The following NUP205 variants were observed in gnomAD, a reference collection of about 807,000 sequenced individuals.
NUP205 encodes nuclear pore complex protein Nup205.
In NUP205, 76 loss-of-function variants were observed where a neutral mutation model predicts 253.8. The observed-to-expected ratio is 0.30, with a 90% CI of 0.25 to 0.36. The LOEUF (loss-of-function observed/expected upper bound fraction) is 0.36, where lower values mean the gene tolerates loss of function less well. NUP205 is among the 10% of genes least tolerant of loss of function. NUP205 has a pLI of 1.00. For missense variants in NUP205, 2,162 were observed against 2,425.5 expected, an observed-to-expected ratio of 0.89 and a Z score of 2.28; for synonymous variants, 832 against 850.1, an observed-to-expected ratio of 0.98 and a Z score of 0.37.
intron 22 of NUP205, among the ~76,000 whole-genome samples, chr7:135,609,633 G>A (rs1794181446): frequency 6.6e-6 from 1 of 151,658 alleles, no homozygotes; most frequent in African/African-American, 2.4e-5. Flanking sequence ...GGGCAACAGA[G>A]CGAGACCCCA....
chr7:135,561,885 C>CTCCTTCCTTCCTTTGT (rs1256337928), intron 1 of NUP205, among the ~76,000 whole-genome samples: 1 of 151,436 alleles, frequency 6.6e-6, no homozygotes, highest in Non-Finnish European at 1.5e-5. Context: ...TGGACTCCAT[C>CTCCTTCCTTCCTTTGT]TCCTTCCTTC....
chr7:135,562,692 C>T (rs1233171500), intron 1 of NUP205, among the ~76,000 whole-genome samples: 3 of 151,820 alleles, frequency 2.0e-5, no homozygotes, highest in Non-Finnish European at 2.9e-5. Context: ...GGACTACAGG[C>T]GTGCGCCACC....
intron 26 of NUP205, 32 bp downstream of exon 26, chr7:135,617,279 T>C: frequency 6.3e-7 from 1 of 1,582,290 alleles, no homozygotes; most frequent in Non-Finnish European, 8.6e-7. Flanking sequence ...ATATCTGCAG[T>C]GTCAAGTGGC....
chr7:135,643,660 A>AT (rs143806514), intron 39 of NUP205, among the ~76,000 whole-genome samples: 2,380 of 150,746 alleles, frequency 0.016, 21 homozygotes, highest in Middle Eastern at 0.035. Flanking sequence ...TCTGTTACAG[A>AT]TTTTTTTTTT....
At chr7:135,587,071 A>G (rs1200282541) in intron 8 of NUP205, among the ~76,000 whole-genome samples, 18 of 150,670 alleles carry the variant, frequency 1.2e-4, no homozygotes. Context: ...TTTTTTTTTA[A>G]CAGAATTTGT....
chr7:135,593,265 T>C (rs1806680238), intron 12 of NUP205, 73 bp downstream of exon 12: 1 of 1,313,022 alleles, frequency 7.6e-7, no homozygotes, highest in South Asian at 1.3e-5. Context: ...CCAAACATTT[T>C]CTTTTAATTT....
intron 22 of NUP205, among the ~76,000 whole-genome samples, chr7:135,610,229 T>TA (rs1229599811): frequency 1.3e-5 from 2 of 152,230 alleles, no homozygotes; most frequent in Admixed American, 6.5e-5. Context: ...TTGTCGTTGT[T>TA]ACTGTTTTTT....
In NUP205 at chr7:135,635,629, A is replaced by T. The variant is rs752705968; in HGVS notation, c.5108A>T (p.Glu1703Val). ...GATGTAAATGAAGGGTCTCTAATGG[A>T]GCTACAGGGACATATTGGAAGATTC... ...DVDVNEGSLM[E>V]LQGHIGRFQR... is the part of the protein sequence containing the mutation. The change falls in exon 36 of 43, where the codon GAG becomes GTG. Residue 1703 changes from glutamate (E) to valine (V), a missense_variant. Around this residue, in one of 5 missense-constraint regions of NUP205, gnomAD observed 1,144 missense variants for 1,280.9 expected, o/e 0.89. Coordinates refer to ENST00000285968, the MANE Select transcript of NUP205 (RefSeq NM_015135.3). The T allele has an allele frequency of 1.9e-6, 3 of 1,592,184 alleles. No individual in the cohort carries two copies. The highest frequency in any genetic ancestry group is 2.6e-6 in the Non-Finnish European group (3 of 1,162,784).
intron 36 of NUP205, 24 bp from the exon 37 acceptor site, chr7:135,637,907 A>C (rs1002211528): frequency 6.3e-7 from 1 of 1,592,920 alleles, no homozygotes; most frequent in Non-Finnish European, 8.5e-7. Context: ...AAATACATTT[A>C]ACAAGATATC....
intron 33 of NUP205, 128 bp from the exon 34 acceptor site, chr7:135,627,845 A>C: frequency 2.5e-6 from 2 of 793,148 alleles, no homozygotes; most frequent in South Asian, 1.9e-5. Flanking sequence ...TATGGGATGC[A>C]GAGTACTCAC....
At position 135,645,405 on chromosome 7, in the gene NUP205, C is replaced by T. The variant is rs577752065; in HGVS notation, c.5684-63C>T. The stretch of plus-strand genomic sequence containing the variant: ...CAGTCTGTCCTTTTTTCTTCTCCTC[C>T]GAAACTGGTGTGTAAAACATATTTG... On this transcript the variant is annotated intron_variant, in intron 40 of 42. Transcript: ENST00000285968. 1.6e-5 allele frequency: 24 copies of T among 1,547,530 alleles called. No individual in the cohort carries two copies. In the East Asian group the frequency reaches 2.3e-4, roughly 15 times the overall value.
At chr7:135,585,697 G>A (rs1464908426) in intron 8 of NUP205, among the ~76,000 whole-genome samples, 3 of 151,866 alleles carry the variant, frequency 2.0e-5, no homozygotes, top group Non-Finnish European at 4.4e-5. Flanking sequence ...GATTACAGGC[G>A]CCCGCCACCA....
chr7:135,571,098 C>CT lies in NUP205; in HGVS notation c.29-4dup. 6.5e-7 allele frequency: 1 copy of CT among 1,537,192 alleles called. No homozygotes were observed. Among genetic ancestry groups the CT allele is most frequent in the Non-Finnish European group, 8.8e-7 (1 of 1,141,710 alleles). On this transcript the variant is annotated splice_region_variant and splice_polypyrimidine_tract_variant and intron_variant, in intron 1 of 42. Transcript: ENST00000285968. Reference sequence around the variant, plus strand: ...TTGACGGTGGTTTCATTTATTTTTTCTTTAAGCTGCTAGTCTATGGGGTCC... The same window carrying CT: ...TTGACGGTGGTTTCATTTATTTTTTCTTTTAAGCTGCTAGTCTATGGGGTCC...
chr7:135,638,495 T>C, intron 37 of NUP205, 62 bp from the exon 38 acceptor site: 3 of 1,487,638 alleles, frequency 2.0e-6, no homozygotes, highest in South Asian at 2.4e-5. Flanking sequence ...CAAATCTCGA[T>C]TTTCATGCTA....
intron 22 of NUP205, among the ~76,000 whole-genome samples, chr7:135,612,111 C>T (rs887939408): frequency 1.3e-5 from 2 of 151,992 alleles, no homozygotes; most frequent in Non-Finnish European, 2.9e-5. Flanking sequence ...CAGAATGAAA[C>T]TGCATCTCAA....
intron 1 of NUP205, among the ~76,000 whole-genome samples, chr7:135,565,751 G>C (rs932231075): frequency 6.6e-6 from 1 of 152,104 alleles, no homozygotes; most frequent in African/African-American, 2.4e-5. Context: ...GACACTGCCT[G>C]TTCTAGTCCA....
intron 13 of NUP205, 129 bp from the exon 14 acceptor site, chr7:135,597,239 G>A: frequency 1.7e-6 from 1 of 604,864 alleles, no homozygotes; most frequent in Non-Finnish European, 3.0e-6. Flanking sequence ...CTAATTGATT[G>A]TCATTTTGGT....
intron 17 of NUP205, among the ~76,000 whole-genome samples, chr7:135,601,932 CT>C (rs1793975669): frequency 6.6e-6 from 1 of 152,176 alleles, no homozygotes; most frequent in African/African-American, 2.4e-5. Flanking sequence ...GTATTTGGCT[CT>C]TTTAAAAGCA....
intron 13 of NUP205, 22 bp from the exon 14 acceptor site, chr7:135,597,346 A>T: frequency 1.9e-6 from 3 of 1,587,162 alleles, no homozygotes; most frequent in Non-Finnish European, 1.7e-6. Flanking sequence ...TGCTCCTGAC[A>T]TCTACTTCTT....
Sources: allele counts gnomAD v4.1 joint callset (sites outside exome capture counted in the v4.1 genomes callset), GRCh38; gene constraint gnomAD v4.1.1; regional missense constraint gnomAD v4.1.1; transcripts MANE v1.5; gene names NCBI Gene and HGNC (gene_info 2026-07-23, HGNC 2026-07-21).